GATC: variants seen among roughly 807,000 people sequenced by gnomAD.
The protein encoded by GATC is glutamyl-tRNA amidotransferase subunit C.
GATC carries 11 observed loss-of-function variants against 14.4 expected under a neutral mutation model. That is an observed-to-expected ratio of 0.77 (90% CI 0.48 to 1.27). GATC has a LOEUF of 1.27. Among genes scored for constraint, GATC ranks in the 50% most tolerant of loss-of-function variants. GATC has a pLI of 0.00. For missense variants in GATC, 204 were observed against 183.0 expected, an observed-to-expected ratio of 1.11 and a Z score of -0.66; for synonymous variants, 76 against 79.3, an observed-to-expected ratio of 0.96 and a Z score of 0.22.
chr12:120,449,371 C>G (rs577224472), intron 2 of GATC, among the ~76,000 whole-genome samples: 1 of 152,128 alleles, frequency 6.6e-6, no homozygotes, highest in Non-Finnish European at 1.5e-5. Context: ...CCTGCTCACC[C>G]ACCTTCCACA....
intron 2 of GATC, among the ~76,000 whole-genome samples, chr12:120,447,326 C>A (rs1025465759): frequency 6.6e-6 from 1 of 152,070 alleles, no homozygotes; most frequent in African/African-American, 2.4e-5. Context: ...CCACCCGCCT[C>A]GGCCTCCCAA....
chr12:120,449,035 T>C (rs1441646991), intron 2 of GATC, among the ~76,000 whole-genome samples: 1 of 151,266 alleles, frequency 6.6e-6, no homozygotes, highest in African/African-American at 2.4e-5. Flanking sequence ...TGATCTTGGC[T>C]CACTGCAAGT....
In GATC at chr12:120,446,899, C is replaced by T; in HGVS notation, c.254+70C>T. 5 of 1,447,170 alleles carry T rather than the reference C, an allele frequency of 3.5e-6. No homozygotes were observed. In the South Asian group the frequency reaches 4.0e-5, roughly 12 times the overall value. The allele number at this position is 1,447,170 out of a possible 1,614,324, so 89.6% of individuals were successfully genotyped here. On this transcript the variant is annotated intron_variant, in intron 2 of 3. Coordinates refer to ENST00000551765, the MANE Select transcript of GATC (RefSeq NM_176818.3). ...CGCAGCCGTTTAATGTGACGATTAG[C>T]GAACAGTTTTCCAGGGGGTTAAAGA...
rs1878395154 is a variant in GATC, at chr12:120,463,088, TAGTA to T, written c.*3132_*3135del. ...TGTCCCCAAACATCCGTAAATCTCATAGTAAGGCAGGACAGGATAACCAGAAAAA... is the reference window on the plus strand; with the variant it reads ...TGTCCCCAAACATCCGTAAATCTCATAGGCAGGACAGGATAACCAGAAAAA... On this transcript the variant is annotated 3_prime_UTR_variant, in exon 4 of 4. Coordinates refer to ENST00000551765, the MANE Select transcript of GATC (RefSeq NM_176818.3). The T allele has an allele frequency of 6.6e-6, 1 of 150,834 alleles. No individual in the cohort carries two copies. The highest frequency in any genetic ancestry group is 1.5e-5 in the Non-Finnish European group (1 of 67,922). 9.3% of individuals were successfully genotyped at this position (150,834 alleles called of 1,614,324 possible).
rs758035283 is a variant in GATC at position 120,457,152 on chromosome 12, G to A, written c.331G>A (p.Val111Met). 14 of 1,613,774 alleles carry A rather than the reference G, an allele frequency of 8.7e-6. No homozygotes were observed. Among genetic ancestry groups the A allele is most frequent in the African/African-American group, 1.3e-5 (1 of 74,890 alleles). ...DELLQNSHRV[V>M]EEYFVAPPGN... is the part of the protein sequence containing the mutation. ...ATTACTACAAAACTCCCATCGCGTC[G>A]TGGAGGAGTACTTTGTGGCCCCCCC... The change falls in exon 3 of 4, where the codon GTG becomes ATG. Residue 111 changes from valine to methionine, a missense_variant. Transcript: ENST00000551765.
At chr12:120,450,369 T>C (rs1878005604) in intron 2 of GATC, 1 of 152,238 alleles carries the variant, frequency 6.6e-6, no homozygotes, top group Non-Finnish European at 1.5e-5. Context: ...AAGACAAGTA[T>C]TAAACCTTTT....
intron 2 of GATC, among the ~76,000 whole-genome samples, chr12:120,450,963 G>A (rs779212888): frequency 2.0e-5 from 3 of 151,886 alleles, no homozygotes; most frequent in Admixed American, 6.6e-5. Context: ...CCAACATGGC[G>A]AAACCCTGTT....
At chr12:120,447,326 C>G (rs1025465759) in intron 2 of GATC, among the ~76,000 whole-genome samples, 1 of 152,070 alleles carries the variant, frequency 6.6e-6, no homozygotes, top group Admixed American at 6.6e-5. Context: ...CCACCCGCCT[C>G]GGCCTCCCAA....
chr12:120,462,109 G>A lies in GATC; in HGVS notation c.*2150G>A, dbSNP rs201844994. 6.2e-7 allele frequency: 1 copy of A among 1,611,902 alleles called. No homozygotes were observed. The highest frequency in any genetic ancestry group is 8.5e-7 in the Non-Finnish European group (1 of 1,179,790). On this transcript the variant is annotated 3_prime_UTR_variant, in exon 4 of 4. Coordinates refer to ENST00000551765, the MANE Select transcript of GATC (RefSeq NM_176818.3). Reference sequence around the variant, plus strand: ...CCCTTGACCCAGACCGAGACCGTGAGTAGCCATAGCTGGTGCTTCTCTCAG... The same window carrying A: ...CCCTTGACCCAGACCGAGACCGTGAATAGCCATAGCTGGTGCTTCTCTCAG...
At chr12:120,447,051 CCTTT>C (rs1877890633) in intron 2 of GATC, among the ~76,000 whole-genome samples, 1 of 76,626 alleles carries the variant, frequency 1.3e-5, no homozygotes, top group African/African-American at 1.0e-4. Flanking sequence ...CTAATCACTG[CCTTT>C]GTTTTTTTTT....
rs1455542359 is a variant in GATC at position 120,460,563 on chromosome 12, C to G, written c.*604C>G. 6.6e-6 allele frequency: 1 copy of G among 152,142 alleles called. No individual in the cohort carries two copies. Among genetic ancestry groups the G allele is most frequent in the East Asian group, 1.9e-4 (1 of 5,194 alleles). 9.4% of individuals were successfully genotyped at this position (152,142 alleles called of 1,614,324 possible). On this transcript the variant is annotated 3_prime_UTR_variant, in exon 4 of 4. Transcript: ENST00000551765. ...ATATGCCAAAGGGATACTAGTCATA[C>G]CTAGTGTTTCTCTTTCTGAAAAGAG...
intron 3 of GATC, among the ~76,000 whole-genome samples, chr12:120,459,626 G>A (rs1878276448): frequency 6.6e-6 from 1 of 152,144 alleles, no homozygotes; most frequent in Non-Finnish European, 1.5e-5. Flanking sequence ...GGAGGCCGAG[G>A]AGGGCGGATC....
chr12:120,451,143 C>CA lies in GATC; in HGVS notation c.254+4331dup, dbSNP rs143607117. On this transcript the variant is annotated intron_variant, in intron 2 of 3. Coordinates refer to ENST00000551765, the MANE Select transcript of GATC (RefSeq NM_176818.3). ...TGGGCGACAGAGCAAGACTCCATCT[C>CA]AAAAAAAAAAAAAAAAAGGTAGACT... 1.4e-3 allele frequency among the ~76,000 whole-genome samples: 77 copies of CA among 56,446 alleles called. 2 individuals are homozygous for CA. The highest frequency in any genetic ancestry group is 3.9e-3 in the South Asian group (5 of 1,292). 37.0% of individuals were successfully genotyped at this position (56,446 alleles called of 152,430 possible).
intron 3 of GATC, among the ~76,000 whole-genome samples, chr12:120,457,714 C>T (rs1175063275): frequency 6.7e-6 from 1 of 148,950 alleles, no homozygotes. Flanking sequence ...TCAAGCGATT[C>T]TCCTGCTCAG....
At chr12:120,449,491 C>T (rs1027310104) in intron 2 of GATC, among the ~76,000 whole-genome samples, 1 of 151,680 alleles carries the variant, frequency 6.6e-6, no homozygotes, top group Non-Finnish European at 1.5e-5. Flanking sequence ...CACTCTGTTG[C>T]CCACGCTGGA....
At chr12:120,454,422 A>C (rs1188142493) in intron 2 of GATC, among the ~76,000 whole-genome samples, 1 of 152,154 alleles carries the variant, frequency 6.6e-6, no homozygotes, top group African/African-American at 2.4e-5. Flanking sequence ...TTGAGAGCCT[A>C]AGCTCTTAGC....
At chr12:120,448,411 C>T (rs1348828097) in intron 2 of GATC, among the ~76,000 whole-genome samples, 1 of 151,484 alleles carries the variant, frequency 6.6e-6, no homozygotes, top group Non-Finnish European at 1.5e-5. Flanking sequence ...TCACTGCAAC[C>T]TCCACCCTCC....
In GATC at chr12:120,446,487, T is replaced by G; in HGVS notation, c.7T>G (p.Ser3Ala). 1 of 1,607,232 alleles carries G rather than the reference T, an allele frequency of 6.2e-7. No homozygotes were observed. Among genetic ancestry groups the G allele is most frequent in the Non-Finnish European group, 8.5e-7 (1 of 1,175,768 alleles). MW[S>A]RLVWLGLRAP... ...GGGGCCAAGGAAGGAAGAAATGTGG[T>G]CGCGGTTGGTGTGGCTGGGCCTTCG... The change falls in exon 1 of 4, where the codon TCG becomes GCG. Residue 3 changes from serine (S) to alanine (A), a missense_variant. By Grantham distance (99) the Ser-to-Ala change is moderately conservative. Transcript: ENST00000551765.
rs1878293079 is a variant in GATC, at chr12:120,460,039, T to C, written c.*80T>C. 7.5e-6 allele frequency: 8 copies of C among 1,067,224 alleles called. No homozygotes were observed. In the South Asian group the frequency reaches 1.1e-4, roughly 14 times the overall value. 66.1% of individuals were successfully genotyped at this position (1,067,224 alleles called of 1,614,324 possible). A position where few individuals can be genotyped will look rare whatever the true frequency, so the allele number is the denominator to read the frequency against. ...TATTTTTTTACTGTGAATACTAATGTTCCTGCTTTTTTCAGTCCCCTGAAA... is the reference window on the plus strand; with the variant it reads ...TATTTTTTTACTGTGAATACTAATGCTCCTGCTTTTTTCAGTCCCCTGAAA... On this transcript the variant is annotated 3_prime_UTR_variant, in exon 4 of 4. Coordinates refer to ENST00000551765, the MANE Select transcript of GATC (RefSeq NM_176818.3).
Sources: allele counts gnomAD v4.1 joint callset (sites outside exome capture counted in the v4.1 genomes callset), GRCh38; gene constraint gnomAD v4.1.1; transcripts MANE v1.5; gene names NCBI Gene and HGNC (gene_info 2026-07-23, HGNC 2026-07-21).